PHYKPL: variants seen among roughly 807,000 people sequenced by gnomAD.
PHYKPL encodes the protein 5-phosphonooxy-L-lysine phospho-lyase.
In PHYKPL, 42 loss-of-function variants were observed where a neutral mutation model predicts 51.3. The observed-to-expected ratio is 0.82, with a 90% confidence interval of 0.64 to 1.06. The LOEUF (loss-of-function observed/expected upper bound fraction) is 1.06. Among genes scored for constraint, PHYKPL ranks in the 50% least tolerant of loss-of-function variants. The pLI is 0.00. For missense variants in PHYKPL, 655 were observed against 586.6 expected (o/e 1.12, Z -1.20); for synonymous variants, 264 against 236.0 (o/e 1.12, Z -1.09).
intron 1 of PHYKPL, 167 bp downstream of exon 1, chr5:178,232,316 CCGCCCGCCT>C (rs1319121350): frequency 2.4e-6 from 3 of 1,266,040 alleles, no homozygotes; most frequent in Non-Finnish European, 3.0e-6. Flanking sequence ...CCCAACGGCG[CCGCCCGCCT>C]CGGGCCCTAG....
chr5:178,231,365 C>T, intron 2 of PHYKPL, 40 bp downstream of exon 2: 2 of 1,613,954 alleles, frequency 1.2e-6, no homozygotes, highest in African/African-American at 1.3e-5. Flanking sequence ...ACAGCACTGC[C>T]TTCCTCTCCT....
intron 8 of PHYKPL, among the ~76,000 whole-genome samples, chr5:178,221,489 TCTGAGG>T: frequency 6.6e-6 from 1 of 152,332 alleles, no homozygotes; most frequent in South Asian, 2.1e-4. Flanking sequence ...AGTGAGCTCC[TCTGAGG>T]CTCTATGTGT....
chr5:178,223,846 GCCC>G (rs970633007), intron 6 of PHYKPL: 2 of 220,032 alleles, frequency 9.1e-6, no homozygotes, highest in African/African-American at 4.7e-5. Flanking sequence ...CCACCATACT[GCCC>G]CCGTCAGGCC....
At chr5:178,232,365 G>A (rs2913860) in intron 1 of PHYKPL, 127 bp downstream of exon 1, 561,187 of 1,293,852 alleles carry the variant, frequency 0.43, 127,099 homozygotes, top group South Asian at 0.49. Context: ...GCAGCGGCCG[G>A]ACGGGATGGG....
intron 3 of PHYKPL, among the ~76,000 whole-genome samples, chr5:178,229,103 A>ATTTT (rs55725801): frequency 8.5e-6 from 1 of 118,290 alleles, no homozygotes; most frequent in Non-Finnish European, 1.7e-5. Flanking sequence ...TGATGAGACT[A>ATTTT]TTTTTTTTTT....
Position 178,213,043 on chromosome 5 carries a change from A to G in PHYKPL, c.1233T>C (p.Phe411=). 6.2e-7 allele frequency: 1 copy of G among 1,614,226 alleles called. No individual in the cohort carries two copies. Residue 411 remains phenylalanine, a synonymous_variant, in exon 11 of 13, where the codon TTT becomes TTC. Coordinates refer to ENST00000308158, the MANE Select transcript of PHYKPL (RefSeq NM_153373.4). ...TDGPGRNILK[F]KPPMCFSLDN... is the part of the protein sequence containing the mutation. ...CCAGGCTGAAGCACATTGGGGGCTT[A>G]AACTTCAGGATGTTCCTCCCAGGGC...
rs771211202 is a variant in PHYKPL at position 178,212,978 on chromosome 5, A to G, written c.1298T>C (p.Leu433Pro). The change falls in exon 11 of 13, where the codon CTG becomes CCG. Residue 433 changes from leucine to proline, a missense_variant. Leu to Pro is a moderately conservative substitution (Grantham distance 98). Coordinates refer to ENST00000308158, the MANE Select transcript of PHYKPL (RefSeq NM_153373.4). ...RQVVAKLDAI[L>P]TDMEEKVRSC... ...AGCTCAGGCTTCAAGCTCACCAGTC[A>G]GAATGGCATCCAGCTTTGCCACCAC... 1 of 1,614,134 alleles carries G rather than the reference A, an allele frequency of 6.2e-7. No individual in the cohort carries two copies.
At chr5:178,211,646 G>A (rs1269158935) in intron 12 of PHYKPL, 9 of 465,014 alleles carry the variant, frequency 1.9e-5, no homozygotes, top group Non-Finnish European at 3.5e-5. Context: ...AGAGGCAAGG[G>A]TGGGTTGGGG....
chr5:178,229,808 C>G (rs954743453), intron 3 of PHYKPL, 132 bp downstream of exon 3: 33 of 1,167,124 alleles, frequency 2.8e-5, no homozygotes, highest in Non-Finnish European at 3.5e-5. Context: ...CCGGGAATCT[C>G]AGGAGCCTGG....
chr5:178,211,774 C>CAAAGTTAGAACAGTTAG, intron 12 of PHYKPL, 116 bp downstream of exon 12: 1 of 665,424 alleles, frequency 1.5e-6, no homozygotes, highest in South Asian at 1.9e-5. Flanking sequence ...TGGGAAGGAG[C>CAAAGTTAGAACAGTTAG]ATCAGTCAGA....
Position 178,230,282 on chromosome 5 carries a change from G to A in PHYKPL, c.179-183C>T, listed in dbSNP as rs1000290605. 18 of 661,264 alleles carry A rather than the reference G, an allele frequency of 2.7e-5. No individual in the cohort carries two copies. The African/African-American group carries it at 3.3e-4, about 12-fold the overall frequency. The allele number at this position is 661,264 out of a possible 1,614,324, so 41.0% of individuals were successfully genotyped here. ...TGGTTCTGGAAAGGCAGATCCAGGA[G>A]TTCCTGAGATTCTGGCAGAAGGAAA... On this transcript the variant is annotated intron_variant, in intron 2 of 12. Coordinates refer to ENST00000308158, the MANE Select transcript of PHYKPL (RefSeq NM_153373.4).
rs1029113148 is a variant in PHYKPL at position 178,232,434 on chromosome 5, T to C, written c.59+58A>G. 1.2e-5 allele frequency: 16 copies of C among 1,374,306 alleles called. No individual in the cohort carries two copies. In the South Asian group the frequency reaches 2.2e-4, roughly 19 times the overall value. 85.1% of individuals were successfully genotyped at this position (1,374,306 alleles called of 1,614,324 possible). On this transcript the variant is annotated intron_variant, in intron 1 of 12. Coordinates refer to ENST00000308158, the MANE Select transcript of PHYKPL (RefSeq NM_153373.4). ...AGTGCGTGCGTGCGTGCGTCGTGCG[T>C]GCGCGTGCCTCTCCGCGCAGCCCCG...
At chr5:178,209,231 C>A in intron 12 of PHYKPL, 1 of 956,596 alleles carries the variant, frequency 1.0e-6, no homozygotes, top group Non-Finnish European at 1.7e-6. Flanking sequence ...AGCAAATGGA[C>A]CTGATCCACC....
At chr5:178,221,663 A>G (rs948442956) in intron 8 of PHYKPL, among the ~76,000 whole-genome samples, 1 of 152,090 alleles carries the variant, frequency 6.6e-6, no homozygotes, top group African/African-American at 2.4e-5. Flanking sequence ...GTGAATTCTC[A>G]ACCCTCTGTC....
chr5:178,223,262 A>T, intron 6 of PHYKPL: 1 of 426,522 alleles, frequency 2.3e-6, no homozygotes, highest in Non-Finnish European at 4.7e-6. Flanking sequence ...AGCACTGCCC[A>T]AGGATTCTAC....
intron 8 of PHYKPL, chr5:178,215,853 C>T (rs1008763901): frequency 6.0e-6 from 1 of 167,450 alleles, no homozygotes. Flanking sequence ...AAAGCTGCTT[C>T]ACACCCCTGG....
chr5:178,209,289 G>A (rs1207421521), intron 12 of PHYKPL: 1 of 1,535,010 alleles, frequency 6.5e-7, no homozygotes, highest in Non-Finnish European at 9.0e-7. Flanking sequence ...ACTGCCCTGA[G>A]TTTGTCCTAC....
At position 178,230,019 on chromosome 5, in the gene PHYKPL, C is replaced by T. The variant is rs1380599547; in HGVS notation, c.259G>A (p.Asp87Asn). The T allele has an allele frequency of 6.2e-7, 1 of 1,614,118 alleles. No homozygotes were observed. Among genetic ancestry groups the T allele is most frequent in the East Asian group, 2.2e-5 (1 of 44,896 alleles). ...VLNTNSRYLH[D>N]NIVDYAQRLS... ...CTCTGCGCATAGTCCACGATGTTGT[C>T]ATGCAGGTACCGGCTGTTGGTGTTG... Residue 87 changes from aspartate (D) to asparagine (N), a missense_variant, in exon 3 of 13, where the codon GAC becomes AAC. Asp to Asn is a conservative substitution (Grantham distance 23). Coordinates refer to ENST00000308158, the MANE Select transcript of PHYKPL (RefSeq NM_153373.4).
Position 178,215,380 on chromosome 5 carries a change from G to C in PHYKPL, c.978C>G (p.Val326=). ...SCAVGLAVLN[V]LEKEQLQDHA... is the part of the protein sequence containing the mutation. ...GATCCTGGAGCTGCTCCTTCTCCAA[G>C]ACATTCAGGACGGCCAGCCCCACAG... is the stretch of plus-strand genomic sequence containing the variant. Residue 326 remains valine, a synonymous_variant, in exon 9 of 13, where the codon GTC becomes GTG. Coordinates refer to ENST00000308158, the MANE Select transcript of PHYKPL (RefSeq NM_153373.4). 6.2e-7 allele frequency: 1 copy of C among 1,614,014 alleles called. No homozygotes were observed.
Sources: gnomAD v4.1 joint callset for allele counts (sites outside exome capture counted in the v4.1 genomes callset) on GRCh38, gnomAD v4.1.1 for gene constraint, MANE v1.5 for transcripts, NCBI Gene and HGNC (gene_info 2026-07-23, HGNC 2026-07-21) for gene names.